The following MAP4K3 variants were observed in gnomAD, a reference collection of about 807,000 sequenced individuals.
MAP4K3 encodes the protein MAPK/ERK kinase kinase kinase 3.
A neutral mutation model predicts 143.5 loss-of-function variants in MAP4K3; 94 were observed. That is an observed-to-expected ratio of 0.65 (90% CI 0.55 to 0.78). The LOEUF (loss-of-function observed/expected upper bound fraction) is 0.78, where lower values mean the gene tolerates loss of function less well. Ranked by LOEUF, MAP4K3 falls within the 30% of genes least tolerant of loss-of-function variation. The pLI is 0.00. For missense variants in MAP4K3, 1,077 were observed against 1,068.1 expected (o/e 1.01, Z -0.12); for synonymous variants, 416 against 347.2 (o/e 1.20, Z -2.20).
intron 1 of MAP4K3, among the ~76,000 whole-genome samples, chr2:39,427,140 A>C (rs1665114226): frequency 6.6e-6 from 1 of 152,092 alleles, no homozygotes. Flanking sequence ...TCTCCACAGC[A>C]CAACAGGTAA....
chr2:39,434,385 C>T (rs1340077393), intron 1 of MAP4K3, among the ~76,000 whole-genome samples: 2 of 152,084 alleles, frequency 1.3e-5, no homozygotes, highest in Admixed American at 1.3e-4. Context: ...TCAAGAACCA[C>T]ATGAAGTTTC....
At chr2:39,409,768 T>C (rs919291631) in intron 1 of MAP4K3, among the ~76,000 whole-genome samples, 1 of 152,236 alleles carries the variant, frequency 6.6e-6, no homozygotes, top group African/African-American at 2.4e-5. Flanking sequence ...ATCCATATTC[T>C]ACATGGAATC....
chr2:39,282,548 T>C lies in MAP4K3; in HGVS notation c.1594A>G (p.Ile532Val), dbSNP rs78142399. 4.8e-3 allele frequency: 7,733 copies of C among 1,610,744 alleles called. 34 individuals are homozygous for C. The highest frequency in any genetic ancestry group is 5.7e-3 in the Non-Finnish European group (6,690 of 1,177,844). The change falls in exon 22 of 34, where the codon ATT becomes GTT. Residue 532 changes from isoleucine (I) to valine (V), a missense_variant. This residue lies in a region of MAP4K3 where 864 missense variants were observed against 801.2 expected (regional missense o/e 1.08). Coordinates refer to ENST00000263881, the MANE Select transcript of MAP4K3 (RefSeq NM_003618.4). ...RKEKKDVPKP[I>V]SNGLPPTPKV... The stretch of plus-strand genomic sequence containing the variant: ...GGTGTTGGAGGAAGACCATTACTAA[T>C]AGGCTTCTAGAAAAAGAACACATGT...
chr2:39,422,384 A>T (rs1040112949), intron 1 of MAP4K3, among the ~76,000 whole-genome samples: 1 of 152,106 alleles, frequency 6.6e-6, no homozygotes, highest in African/African-American at 2.4e-5. Context: ...CAAACTCCTC[A>T]TGTTTGGAAA....
intron 2 of MAP4K3, among the ~76,000 whole-genome samples, chr2:39,364,177 G>A (rs1275585750): frequency 6.6e-6 from 1 of 152,072 alleles, no homozygotes; most frequent in Non-Finnish European, 1.5e-5. Flanking sequence ...ATACCCCAAA[G>A]AACTGAAATT....
intron 1 of MAP4K3, among the ~76,000 whole-genome samples, chr2:39,395,158 C>T (rs1666769424): frequency 6.6e-6 from 1 of 152,056 alleles, no homozygotes; most frequent in African/African-American, 2.4e-5. Context: ...CAAGAAATAA[C>T]ACCAACACAT....
At chr2:39,391,043 T>C (rs1245569758) in intron 1 of MAP4K3, among the ~76,000 whole-genome samples, 1 of 152,056 alleles carries the variant, frequency 6.6e-6, no homozygotes, top group African/African-American at 2.4e-5. Flanking sequence ...AAAGAGTTAT[T>C]GGTTAAGTAT....
intron 24 of MAP4K3, among the ~76,000 whole-genome samples, chr2:39,276,050 TTTAATA>T (rs1423683865): frequency 6.6e-6 from 1 of 152,058 alleles, no homozygotes; most frequent in African/African-American, 2.4e-5. Context: ...TTTTTGTATT[TTTAATA>T]GGGACGGGGT....
chr2:39,324,224 T>G (rs1439842156), intron 12 of MAP4K3, among the ~76,000 whole-genome samples: 1 of 152,056 alleles, frequency 6.6e-6, no homozygotes, highest in Non-Finnish European at 1.5e-5. Flanking sequence ...CTGGCCAATG[T>G]GGTAAAACCC....
At chr2:39,408,157 G>A (rs1436569234) in intron 1 of MAP4K3, among the ~76,000 whole-genome samples, 1 of 152,144 alleles carries the variant, frequency 6.6e-6, no homozygotes, top group East Asian at 1.9e-4. Flanking sequence ...AAACCATCTA[G>A]ATAACAAAAC....
At chr2:39,366,888 A>G (rs1456295799) in intron 2 of MAP4K3, among the ~76,000 whole-genome samples, 1 of 152,216 alleles carries the variant, frequency 6.6e-6, no homozygotes, top group Non-Finnish European at 1.5e-5. Flanking sequence ...AAACCACAGA[A>G]GCAGCACCCA....
chr2:39,320,045 T>C (rs1573144704), intron 12 of MAP4K3, among the ~76,000 whole-genome samples: 1 of 152,298 alleles, frequency 6.6e-6, no homozygotes, highest in East Asian at 1.9e-4. Context: ...GTCACTTCCT[T>C]TGTGACATCT....
intron 27 of MAP4K3, among the ~76,000 whole-genome samples, chr2:39,266,861 T>G (rs1044962426): frequency 2.6e-5 from 4 of 151,360 alleles, no homozygotes; most frequent in Non-Finnish European, 5.9e-5. Context: ...GAATGGTGAA[T>G]GGTACGTAAC....
At chr2:39,314,588 G>A (rs1435117918) in intron 13 of MAP4K3, among the ~76,000 whole-genome samples, 1 of 152,054 alleles carries the variant, frequency 6.6e-6, no homozygotes, top group Non-Finnish European at 1.5e-5. Context: ...ATACTTTCCA[G>A]GTATCACTAG....
At chr2:39,421,377 T>A (rs1210092526) in intron 1 of MAP4K3, among the ~76,000 whole-genome samples, 1 of 147,592 alleles carries the variant, frequency 6.8e-6, no homozygotes, top group Admixed American at 6.8e-5. Context: ...CATTTTTTTT[T>A]TTTTTTTTTT....
chr2:39,264,056 T>G (rs987736707), intron 28 of MAP4K3, among the ~76,000 whole-genome samples: 12 of 152,082 alleles, frequency 7.9e-5, no homozygotes, highest in Non-Finnish European at 2.9e-5. Flanking sequence ...ATGAAAATAA[T>G]AGGAGGGACA....
intron 29 of MAP4K3, among the ~76,000 whole-genome samples, chr2:39,259,570 T>A (rs758875254): frequency 9.2e-5 from 14 of 152,236 alleles, no homozygotes; most frequent in Non-Finnish European, 1.6e-4. Flanking sequence ...CTGAGAGTTA[T>A]GAAAATGTTA....
At chr2:39,333,443 A>C in intron 7 of MAP4K3, 89 bp downstream of exon 7, 1 of 960,416 alleles carries the variant, frequency 1.0e-6, no homozygotes, top group Non-Finnish European at 1.7e-6. Context: ...GTCTTAGGAG[A>C]GGGAAAACCT....
chr2:39,329,495 C>G (rs1683614414), intron 8 of MAP4K3, among the ~76,000 whole-genome samples: 1 of 152,094 alleles, frequency 6.6e-6, no homozygotes, highest in South Asian at 2.1e-4. Flanking sequence ...AGCCAATGAG[C>G]CTCAAATACC....
Sources: allele counts gnomAD v4.1 joint callset (sites outside exome capture counted in the v4.1 genomes callset), GRCh38; gene constraint gnomAD v4.1.1; regional missense constraint gnomAD v4.1.1; transcripts MANE v1.5; gene names NCBI Gene and HGNC (gene_info 2026-07-23, HGNC 2026-07-21).